The following MYO10 variants were observed in gnomAD, a reference collection of about 807,000 sequenced individuals.
MYO10 encodes myosin X.
MYO10 carries 133 observed loss-of-function variants against 257.3 expected under a neutral mutation model. The observed-to-expected ratio is 0.52, with a 90% CI of 0.45 to 0.60. The LOEUF (loss-of-function observed/expected upper bound fraction) is 0.60, where lower values mean the gene tolerates loss of function less well. Among genes scored for constraint, MYO10 ranks in the 20% least tolerant of loss-of-function variants. MYO10 has a pLI of 0.00. For missense variants in MYO10, 2,399 were observed against 2,635.7 expected (o/e 0.91, Z 1.97); for synonymous variants, 1,104 against 1,028.6 (o/e 1.07, Z -1.40).
rs187982103 is a variant in MYO10, at chr5:16,703,863, C to T, written c.2277-705G>A. On this transcript the variant is annotated intron_variant, in intron 22 of 40. Coordinates refer to ENST00000513610, the MANE Select transcript of MYO10 (RefSeq NM_012334.3). The stretch of plus-strand genomic sequence containing the variant: ...CACCATTGCACTCCAGCCAGACGAG[C>T]GAGCGAGACTCTGTCTCAAAAAAAA... Among the ~76,000 whole-genome samples the T allele has an allele frequency of 2.7e-3, 334 of 122,686 alleles. 3 individuals are homozygous for T. The highest frequency in any genetic ancestry group is 0.01 in the African/African-American group (322 of 31,342). 80.5% of individuals were successfully genotyped at this position (122,686 alleles called of 152,430 possible). A position where few individuals can be genotyped will look rare whatever the true frequency, so the allele number is the denominator to read the frequency against.
intron 3 of MYO10, among the ~76,000 whole-genome samples, chr5:16,796,015 C>T (rs1741928246): frequency 6.6e-6 from 1 of 151,696 alleles, no homozygotes; most frequent in Non-Finnish European, 1.5e-5. Context: ...GAGTGAAACC[C>T]CGTCTCTACT....
chr5:16,893,757 C>CATAA (rs773027406), intron 1 of MYO10, among the ~76,000 whole-genome samples: 29 of 151,594 alleles, frequency 1.9e-4, no homozygotes, highest in East Asian at 5.8e-4. Context: ...CTGCTAAAAA[C>CATAA]ATAAATAAAT....
intron 3 of MYO10, chr5:16,814,896 T>C (rs1386766890): frequency 2.0e-5 from 3 of 152,258 alleles, no homozygotes; most frequent in Admixed American, 2.0e-4. Context: ...AATTTAGCTG[T>C]CAGGTTTAAC....
At chr5:16,709,210 T>C (rs565382161) in intron 21 of MYO10, among the ~76,000 whole-genome samples, 76 of 152,212 alleles carry the variant, frequency 5.0e-4, no homozygotes, top group African/African-American at 1.8e-3. Context: ...AGGAGTCCTT[T>C]CAAAGTCTAC....
At chr5:16,711,364 C>T (rs781777836) in intron 19 of MYO10, 119 bp from the exon 20 acceptor site, 24 of 1,046,012 alleles carry the variant, frequency 2.3e-5, no homozygotes, top group Non-Finnish European at 3.2e-5. Flanking sequence ...ATACGAGAAT[C>T]TTGAACCTAC....
rs529586381 is a variant in MYO10 at position 16,791,966 on chromosome 5, T to C, written c.467+2680A>G. On this transcript the variant is annotated intron_variant, in intron 4 of 40. Transcript: ENST00000513610. ...ATTAACTGCAAGCCGTTATGATCCC[T>C]ATCTGTTTAACTGAATACACTGACA... Among the ~76,000 whole-genome samples the C allele has an allele frequency of 1.2e-4, 19 of 152,304 alleles. No individual in the cohort carries two copies. In the East Asian group the frequency reaches 3.7e-3, roughly 29 times the overall value.
At chr5:16,711,279 T>G (rs778284364) in intron 19 of MYO10, 34 bp from the exon 20 acceptor site, 6 of 1,584,558 alleles carry the variant, frequency 3.8e-6, no homozygotes, top group Non-Finnish European at 5.2e-6. Flanking sequence ...TGGGATACCA[T>G]TAGAAAAAAT....
intron 1 of MYO10, among the ~76,000 whole-genome samples, chr5:16,879,868 T>A (rs1276876263): frequency 6.6e-6 from 1 of 152,190 alleles, no homozygotes; most frequent in African/African-American, 2.4e-5. Flanking sequence ...GTGCCCATGA[T>A]AACACTGTTT....
At chr5:16,932,847 C>G (rs1353534504) in intron 1 of MYO10, among the ~76,000 whole-genome samples, 1 of 152,182 alleles carries the variant, frequency 6.6e-6, no homozygotes, top group African/African-American at 2.4e-5. Context: ...GCGGTGCAAT[C>G]ATGGTTCACT....
chr5:16,786,880 A>C lies in MYO10; in HGVS notation c.468-3411T>G, dbSNP rs935291334. 5.5e-5 allele frequency among the ~76,000 whole-genome samples: 4 copies of C among 73,336 alleles called. No individual in the cohort carries two copies. In the East Asian group the frequency reaches 9.1e-4, roughly 17 times the overall value. The allele number at this position is 73,336 out of a possible 152,430, so 48.1% of individuals were successfully genotyped here. ...TCTGTCATTTTTATTTAAAAAAAAA[A>C]ATTTTTGGCCGGGGGCAGTAGCTCA... is the stretch of plus-strand genomic sequence containing the variant. On this transcript the variant is annotated intron_variant, in intron 4 of 40. Coordinates refer to ENST00000513610, the MANE Select transcript of MYO10 (RefSeq NM_012334.3).
At chr5:16,881,764 C>T (rs536395746) in intron 1 of MYO10, among the ~76,000 whole-genome samples, 13 of 152,204 alleles carry the variant, frequency 8.5e-5, no homozygotes, top group African/African-American at 1.9e-4. Flanking sequence ...TGCCCAGGTC[C>T]GAAAGAGGCC....
chr5:16,867,937 G>T (rs543388941), intron 2 of MYO10, among the ~76,000 whole-genome samples: 1 of 152,284 alleles, frequency 6.6e-6, no homozygotes, highest in Non-Finnish European at 1.5e-5. Flanking sequence ...TATTTTGGAA[G>T]ACCCTATAGA....
rs559197181 is a variant in MYO10, at chr5:16,753,456, C to T, written c.1929+1372G>A. Among the ~76,000 whole-genome samples, 45 of 147,884 alleles carry T rather than the reference C, an allele frequency of 3.0e-4. 1 individual carries two copies. The South Asian group carries it at 5.4e-3, about 18-fold the overall frequency. On this transcript the variant is annotated intron_variant, in intron 19 of 40. Coordinates refer to ENST00000513610, the MANE Select transcript of MYO10 (RefSeq NM_012334.3). ...TGCTGGGATTACAGGCGTGAGCCAC[C>T]GTGCCCGGCCTTTTTTTTTTTTTTT...
chr5:16,695,917 T>C lies in MYO10; in HGVS notation c.3557-1303A>G, dbSNP rs115602886. 7.1e-3 allele frequency among the ~76,000 whole-genome samples: 1,080 copies of C among 152,348 alleles called. 7 individuals carry two copies. Among genetic ancestry groups the C allele is most frequent in the African/African-American group, 0.025 (1,026 of 41,568 alleles). ...CTAGCTGAGACATCTTTGGTAATTG[T>C]GCCAAGCTGCAGAGCCGTGTCCTAA... is the stretch of plus-strand genomic sequence containing the variant. On this transcript the variant is annotated intron_variant, in intron 26 of 40. Coordinates refer to ENST00000513610, the MANE Select transcript of MYO10 (RefSeq NM_012334.3).
At position 16,846,095 on chromosome 5, in the gene MYO10, G is replaced by A. The variant is rs116370959; in HGVS notation, c.121-27928C>T. ...CAAATCCAAAGTTCTGGGAGCCACA[G>A]AATACAGTGTCCAGGTGTTAAGGTG... On this transcript the variant is annotated intron_variant, in intron 2 of 40. Coordinates refer to ENST00000513610, the MANE Select transcript of MYO10 (RefSeq NM_012334.3). 5.1e-3 allele frequency among the ~76,000 whole-genome samples: 780 copies of A among 152,292 alleles called. 1 individual carries two copies. The highest frequency in any genetic ancestry group is 6.2e-3 in the Non-Finnish European group (424 of 68,022).
intron 10 of MYO10, among the ~76,000 whole-genome samples, chr5:16,766,938 T>C (rs1430111306): frequency 6.6e-6 from 1 of 151,294 alleles, no homozygotes; most frequent in Non-Finnish European, 1.5e-5. Context: ...TTGGCTAGGT[T>C]GGTCTTGAAC....
At chr5:16,884,579 G>A (rs965585590) in intron 1 of MYO10, among the ~76,000 whole-genome samples, 1 of 152,060 alleles carries the variant, frequency 6.6e-6, no homozygotes, top group African/African-American at 2.4e-5. Context: ...AGGGAGTGGG[G>A]ATATTGGTTC....
chr5:16,755,518 G>A (rs1740503814), intron 18 of MYO10, among the ~76,000 whole-genome samples: 1 of 152,126 alleles, frequency 6.6e-6, no homozygotes, highest in Non-Finnish European at 1.5e-5. Context: ...AATCATCCTA[G>A]GATATTTCAA....
intron 2 of MYO10, among the ~76,000 whole-genome samples, chr5:16,868,606 A>G (rs1744354110): frequency 6.8e-6 from 1 of 147,934 alleles, no homozygotes; most frequent in South Asian, 2.1e-4. Context: ...CTCCGTCTCA[A>G]AAAAAAAAAA....
Sources: allele counts gnomAD v4.1 joint callset (sites outside exome capture counted in the v4.1 genomes callset), GRCh38; gene constraint gnomAD v4.1.1; transcripts MANE v1.5; gene names NCBI Gene and HGNC (gene_info 2026-07-23, HGNC 2026-07-21).